Variants in PCDH7 observed in about 807,000 individuals in gnomAD.
The protein encoded by PCDH7 is protocadherin-7.
PCDH7 carries 17 observed loss-of-function variants against 58.9 expected under a neutral mutation model. That is an observed-to-expected ratio of 0.29 (90% CI 0.20 to 0.43). The LOEUF (loss-of-function observed/expected upper bound fraction) is 0.43, where lower values mean the gene tolerates loss of function less well. Among genes scored for constraint, PCDH7 ranks in the 20% least tolerant of loss-of-function variants. The probability of loss-of-function intolerance (pLI) is 1.00; values close to 1 mark genes in which losing one functional copy is unlikely to be tolerated. For synonymous variants in PCDH7, 664 were observed against 616.4 expected, an observed-to-expected ratio of 1.08 and a Z score of -1.14; for missense variants, 1,274 against 1,441.0, an observed-to-expected ratio of 0.88 and a Z score of 1.88.
intron 3 of PCDH7, among the ~76,000 whole-genome samples, chr4:31,036,999 C>T (rs1490688093): frequency 1.3e-5 from 2 of 152,000 alleles, no homozygotes; most frequent in Non-Finnish European, 2.9e-5. Context: ...ATCCACCCCC[C>T]TGATTCAATT....
At chr4:30,752,574 G>A (rs1718674149) in intron 1 of PCDH7, among the ~76,000 whole-genome samples, 1 of 149,562 alleles carries the variant, frequency 6.7e-6, no homozygotes, top group African/African-American at 2.5e-5. Flanking sequence ...GCTATCTTTT[G>A]ATCTAAATGT....
chr4:31,113,494 A>G (rs1305947806), intron 3 of PCDH7, among the ~76,000 whole-genome samples: 4 of 152,152 alleles, frequency 2.6e-5, no homozygotes, highest in Non-Finnish European at 2.9e-5. Flanking sequence ...TTTTCCATAT[A>G]AATATATTAT....
At chr4:30,782,006 A>G (rs1722869433) in intron 1 of PCDH7, among the ~76,000 whole-genome samples, 1 of 152,172 alleles carries the variant, frequency 6.6e-6, no homozygotes, top group Non-Finnish European at 1.5e-5. Flanking sequence ...GAGTCTTTTA[A>G]TTAATTCTTT....
chr4:31,068,203 GAA>G (rs1758245251), intron 3 of PCDH7, among the ~76,000 whole-genome samples: 1 of 151,556 alleles, frequency 6.6e-6, no homozygotes, highest in South Asian at 2.1e-4. Flanking sequence ...TAACTAAAGA[GAA>G]AGTAGATAAT....
chr4:30,896,376 C>G (rs914159526), intron 1 of PCDH7, among the ~76,000 whole-genome samples: 1 of 152,052 alleles, frequency 6.6e-6, no homozygotes, highest in African/African-American at 2.4e-5. Flanking sequence ...GCTGAACTGG[C>G]TCTCAGTGGT....
chr4:30,724,660 T>A, intron 1 of PCDH7, 64 bp downstream of exon 1: 1 of 1,535,068 alleles, frequency 6.5e-7, no homozygotes, highest in Non-Finnish European at 8.8e-7. Flanking sequence ...AGACAGATTA[T>A]CTTCTGTAAA....
intron 1 of PCDH7, among the ~76,000 whole-genome samples, chr4:30,838,685 G>C (rs1292174393): frequency 6.6e-6 from 1 of 151,906 alleles, no homozygotes; most frequent in East Asian, 1.9e-4. Context: ...CTTTAGTGAA[G>C]ATTCAGATTG....
At chr4:30,941,606 A>G (rs1409950836) in intron 2 of PCDH7, among the ~76,000 whole-genome samples, 1 of 151,892 alleles carries the variant, frequency 6.6e-6, no homozygotes, top group African/African-American at 2.4e-5. Context: ...CTATAAGCAA[A>G]TTGTGCTTTA....
At chr4:30,999,951 AG>A (rs1752221604) in intron 3 of PCDH7, among the ~76,000 whole-genome samples, 2 of 152,186 alleles carry the variant, frequency 1.3e-5, no homozygotes, top group African/African-American at 4.8e-5. Context: ...ATAACCCTAG[AG>A]CAACAAACAT....
chr4:30,856,275 A>C (rs1733444772), intron 1 of PCDH7, among the ~76,000 whole-genome samples: 1 of 152,006 alleles, frequency 6.6e-6, no homozygotes. Context: ...AATCCTTTGG[A>C]GTATTTACAT....
intron 1 of PCDH7, among the ~76,000 whole-genome samples, chr4:30,791,675 TC>T (rs1724137892): frequency 6.6e-6 from 1 of 152,198 alleles, no homozygotes; most frequent in Admixed American, 6.5e-5. Context: ...CAGTTTCTGG[TC>T]TGCTATAATT....
chr4:31,132,639 C>G (rs1719128304), intron 3 of PCDH7, among the ~76,000 whole-genome samples: 1 of 152,020 alleles, frequency 6.6e-6, no homozygotes, highest in South Asian at 2.1e-4. Context: ...TGTTTTAGTA[C>G]CACACCAATA....
intron 1 of PCDH7, among the ~76,000 whole-genome samples, chr4:30,759,402 T>C (rs1465965487): frequency 6.6e-6 from 1 of 152,218 alleles, no homozygotes; most frequent in Non-Finnish European, 1.5e-5. Context: ...AATGAGTTTC[T>C]TAGAATTCGG....
In PCDH7 at chr4:31,032,620, AG is replaced by A. The variant is rs1272361747; in HGVS notation, c.*7+82406del. ...CAGATTCTGTCAAAAAAAAAAAAAA[AG>A]AAAGAAGAGAGAAAGAAAGCGACAG... On this transcript the variant is annotated intron_variant, in intron 3 of 3. Coordinates refer to the PCDH7 transcript ENST00000509759. Among the ~76,000 whole-genome samples, 6 of 141,408 alleles carry A rather than the reference AG, an allele frequency of 4.2e-5. No individual in the cohort carries two copies. The South Asian group carries it at 1.4e-3, about 33-fold the overall frequency. The allele number at this position is 141,408 out of a possible 152,430, so 92.8% of individuals were successfully genotyped here.
intron 1 of PCDH7, among the ~76,000 whole-genome samples, chr4:30,881,816 T>A (rs539957838): frequency 6.6e-6 from 1 of 152,298 alleles, no homozygotes; most frequent in South Asian, 2.1e-4. Flanking sequence ...TCAGAAATAG[T>A]CCTTGAATTG....
At chr4:30,830,227 C>T (rs1729597351) in intron 1 of PCDH7, among the ~76,000 whole-genome samples, 2 of 151,944 alleles carry the variant, frequency 1.3e-5, no homozygotes, top group African/African-American at 4.8e-5. Context: ...ACTGCATTTT[C>T]ACATTATGTA....
At chr4:30,948,077 A>G (rs1431725874) in intron 2 of PCDH7, among the ~76,000 whole-genome samples, 3 of 135,864 alleles carry the variant, frequency 2.2e-5, no homozygotes, top group Non-Finnish European at 4.7e-5. Flanking sequence ...ATCATTTTAT[A>G]TTGCTTATTA....
At chr4:30,986,929 C>T (rs1231019510) in intron 3 of PCDH7, among the ~76,000 whole-genome samples, 2 of 151,488 alleles carry the variant, frequency 1.3e-5, no homozygotes, top group East Asian at 3.9e-4. Flanking sequence ...TGCAGTGAGC[C>T]GAGATCACGC....
intron 2 of PCDH7, among the ~76,000 whole-genome samples, chr4:30,944,378 A>G (rs1364125935): frequency 6.6e-6 from 1 of 152,160 alleles, no homozygotes; most frequent in Non-Finnish European, 1.5e-5. Flanking sequence ...TCAAACATAT[A>G]TATAACTAAT....
Sources: allele counts gnomAD v4.1 joint callset (sites outside exome capture counted in the v4.1 genomes callset), GRCh38; gene constraint gnomAD v4.1.1; transcripts MANE v1.5; gene names NCBI Gene and HGNC (gene_info 2026-07-23, HGNC 2026-07-21).